The following RIMS1 variants were observed in gnomAD, a reference collection of about 807,000 sequenced individuals.
The protein encoded by RIMS1 is regulating synaptic membrane exocytosis 1.
Under a neutral mutation model 214.1 loss-of-function variants are expected in RIMS1, and 83 were observed. The observed-to-expected ratio is 0.39, with a 90% CI of 0.32 to 0.47. The LOEUF (loss-of-function observed/expected upper bound fraction) is 0.47, where lower values mean the gene tolerates loss of function less well. Ranked by LOEUF, RIMS1 falls within the 20% of genes least tolerant of loss-of-function variation. RIMS1 has a pLI of 0.99. For missense variants in RIMS1, 2,050 were observed against 2,161.8 expected, an observed-to-expected ratio of 0.95 and a Z score of 1.03; for synonymous variants, 793 against 786.8, an observed-to-expected ratio of 1.01 and a Z score of -0.13.
intron 21 of RIMS1, 54 bp downstream of exon 21, chr6:72,265,557 CA>C: frequency 3.7e-6 from 4 of 1,067,070 alleles, no homozygotes; most frequent in African/African-American, 1.6e-5. Context: ...TGTTGTGAAC[CA>C]AAAAAGTTGA....
chr6:72,160,236 G>C (rs2045153581), intron 4 of RIMS1, among the ~76,000 whole-genome samples: 1 of 26,960 alleles, frequency 3.7e-5, no homozygotes, highest in South Asian at 1.9e-3. Flanking sequence ...AATTGATTTT[G>C]TATCCTGAGA....
Position 72,050,691 on chromosome 6 carries a change from T to C in RIMS1, c.246-46258T>C, listed in dbSNP as rs549819985. Among the ~76,000 whole-genome samples the C allele has an allele frequency of 4.6e-5, 7 of 152,154 alleles. No homozygotes were observed. In the South Asian group the frequency reaches 1.2e-3, roughly 27 times the overall value. On this transcript the variant is annotated intron_variant, in intron 2 of 33. Coordinates refer to ENST00000521978, the MANE Select transcript of RIMS1 (RefSeq NM_014989.7). ...GCATCCAGGGTGTGTCTGGCCTCCT[T>C]TGGGGAGTCATCACTGCTTCTCTGA...
rs757180407 is a variant in RIMS1, at chr6:72,313,600, C to A, written c.4058C>A (p.Thr1353Asn). The A allele has an allele frequency of 6.2e-7, 1 of 1,613,776 alleles. No homozygotes were observed. The stretch of plus-strand genomic sequence containing the variant: ...AGTGATGTTTCCGCCATTTCCCGAA[C>A]CAGCAGTGCCTCACGCCTCAGCAGC... ...DVSDVSAISR[T>N]SSASRLSSTS... The change falls in exon 28 of 34, where the codon ACC (threonine) becomes AAC (asparagine). Residue 1353 changes from threonine (T) to asparagine (N), a missense_variant. Around this residue, in one of 6 missense-constraint regions of RIMS1, gnomAD observed 889 missense variants for 885.5 expected, o/e 1.00. Coordinates refer to ENST00000521978, the MANE Select transcript of RIMS1 (RefSeq NM_014989.7).
At chr6:72,008,243 A>G (rs1373148982) in intron 2 of RIMS1, among the ~76,000 whole-genome samples, 1 of 152,218 alleles carries the variant, frequency 6.6e-6, no homozygotes, top group African/African-American at 2.4e-5. Flanking sequence ...AGTGAAGGAG[A>G]AATAAAATAC....
intron 1 of RIMS1, among the ~76,000 whole-genome samples, chr6:71,964,452 G>A (rs1182572757): frequency 6.6e-6 from 1 of 152,126 alleles, no homozygotes; most frequent in Non-Finnish European, 1.5e-5. Flanking sequence ...AAAAATCTAT[G>A]GTGAGAATTC....
rs1271451180 is a variant in RIMS1 at position 71,939,365 on chromosome 6, G to A, written c.165-29618G>A. Among the ~76,000 whole-genome samples, 4 of 152,228 alleles carry A rather than the reference G, an allele frequency of 2.6e-5. No individual in the cohort carries two copies. The East Asian group carries it at 7.7e-4, about 29-fold the overall frequency. On this transcript the variant is annotated intron_variant, in intron 1 of 33. Transcript: ENST00000521978. ...CTCCTGGCAATACAGGCTTTTGGTA[G>A]CCCACTTCTCCAGTTTCTTCCAATC...
intron 4 of RIMS1, among the ~76,000 whole-genome samples, chr6:72,133,351 C>T (rs537303040): frequency 6.6e-6 from 1 of 150,922 alleles, no homozygotes; most frequent in South Asian, 2.1e-4. Flanking sequence ...TTGTAGAATG[C>T]GTTAGAAAAA....
intron 4 of RIMS1, among the ~76,000 whole-genome samples, chr6:72,173,437 T>C (rs964646909): frequency 6.6e-6 from 1 of 152,144 alleles, no homozygotes; most frequent in African/African-American, 2.4e-5. Flanking sequence ...AGAACTTTTA[T>C]CTCATGTTTT....
At chr6:72,176,806 A>G (rs776611678) in intron 4 of RIMS1, among the ~76,000 whole-genome samples, 5 of 152,226 alleles carry the variant, frequency 3.3e-5, no homozygotes, top group Admixed American at 2.0e-4. Flanking sequence ...TAAAATGCCT[A>G]TGCTGTTTTG....
rs1011465989 is a variant in RIMS1 at position 72,002,366 on chromosome 6, G to A, written c.245+33303G>A. On this transcript the variant is annotated intron_variant, in intron 2 of 33. Transcript: ENST00000521978. ...GAATATGAAAGGTGATGTAGCAGCC[G>A]TGGCACTATTATTGTCAGACTTGGC... Among the ~76,000 whole-genome samples the A allele has an allele frequency of 2.0e-5, 3 of 152,046 alleles. No individual in the cohort carries two copies. In the East Asian group the frequency reaches 5.8e-4, roughly 29 times the overall value.
intron 29 of RIMS1, among the ~76,000 whole-genome samples, chr6:72,382,406 A>G (rs1324941660): frequency 2.0e-5 from 3 of 152,206 alleles, no homozygotes; most frequent in African/African-American, 4.8e-5. Flanking sequence ...ACACATTGGA[A>G]GCATCTGACA....
Position 72,401,207 on chromosome 6 carries a change from C to A in RIMS1, c.*493C>A, listed in dbSNP as rs2098833278. The A allele has an allele frequency of 6.5e-6, 1 of 153,528 alleles. No individual in the cohort carries two copies. The highest frequency in any genetic ancestry group is 1.5e-5 in the Non-Finnish European group (1 of 68,826). 9.5% of individuals were successfully genotyped at this position (153,528 alleles called of 1,614,324 possible). A position where few individuals can be genotyped will look rare whatever the true frequency, so the allele number is the denominator to read the frequency against. Reference sequence around the variant, plus strand: ...AGTTTTTGTTTTGTTTTCACCACATCTGTTATTTCCACTAGTTTTTTTTTG... The same window carrying A: ...AGTTTTTGTTTTGTTTTCACCACATATGTTATTTCCACTAGTTTTTTTTTG... On this transcript the variant is annotated 3_prime_UTR_variant, in exon 34 of 34. Coordinates refer to ENST00000521978, the MANE Select transcript of RIMS1 (RefSeq NM_014989.7).
intron 11 of RIMS1, among the ~76,000 whole-genome samples, chr6:72,246,814 A>G (rs1343962346): frequency 6.6e-6 from 1 of 152,176 alleles, no homozygotes; most frequent in East Asian, 1.9e-4. Context: ...CCATAATATT[A>G]CAAACAAGCA....
chr6:71,916,146 G>C (rs923604552), intron 1 of RIMS1, among the ~76,000 whole-genome samples: 2 of 152,088 alleles, frequency 1.3e-5, no homozygotes, highest in African/African-American at 4.8e-5. Context: ...AGGAAAATTA[G>C]TGGTGAGAAA....
chr6:72,322,750 G>A (rs1466901155), intron 28 of RIMS1, among the ~76,000 whole-genome samples: 2 of 152,040 alleles, frequency 1.3e-5, no homozygotes, highest in Admixed American at 1.3e-4. Flanking sequence ...TTCCAATTTG[G>A]TGACATAGGA....
chr6:72,262,261 C>A, intron 19 of RIMS1: 1 of 816,370 alleles, frequency 1.2e-6, no homozygotes. Flanking sequence ...TTTATATAAT[C>A]TTATACTTAA....
At position 72,182,597 on chromosome 6, in the gene RIMS1, C is replaced by T. The variant is rs2048533396; in HGVS notation, c.1126C>T (p.Arg376Cys). ...ACCGCCGCCTGAGGAGCAGCAGATG[C>T]GCATGCACGCCCGGGTGTCCCGCGC... ...VKPPPEEQQMRMHARVSRARH... is the reference protein window; with the variant it reads ...VKPPPEEQQMCMHARVSRARH... The change falls in exon 6 of 34, where the codon CGC (arginine) becomes TGC (cysteine). Residue 376 changes from arginine (R) to cysteine (C), a missense_variant. Arg to Cys is a radical substitution (Grantham distance 180). Coordinates refer to ENST00000521978, the MANE Select transcript of RIMS1 (RefSeq NM_014989.7). 2 of 1,548,670 alleles carry T rather than the reference C, an allele frequency of 1.3e-6. No individual in the cohort carries two copies. Among genetic ancestry groups the T allele is most frequent in the Non-Finnish European group, 1.7e-6 (2 of 1,146,944 alleles).
At chr6:72,163,542 G>C (rs1188258385) in intron 4 of RIMS1, among the ~76,000 whole-genome samples, 1 of 140,660 alleles carries the variant, frequency 7.1e-6, no homozygotes, top group Non-Finnish European at 1.6e-5. Flanking sequence ...TGATGATGGT[G>C]ATGTATAAAT....
At chr6:72,073,014 A>G (rs192699737) in intron 2 of RIMS1, among the ~76,000 whole-genome samples, 32 of 152,286 alleles carry the variant, frequency 2.1e-4, no homozygotes, top group Non-Finnish European at 3.5e-4. Flanking sequence ...TTGTTTTACA[A>G]ATTTTGAGAG....
Sources: gnomAD v4.1 joint callset for allele counts (sites outside exome capture counted in the v4.1 genomes callset) on GRCh38, gnomAD v4.1.1 for gene constraint, gnomAD v4.1.1 regional missense constraint, MANE v1.5 for transcripts, NCBI Gene and HGNC (gene_info 2026-07-23, HGNC 2026-07-21) for gene names.